Variants in SGCZ observed in about 807,000 individuals in gnomAD.
SGCZ encodes the protein zeta-sarcoglycan.
In SGCZ, 40 loss-of-function variants were observed where a neutral mutation model predicts 41.3. The observed-to-expected ratio is 0.97, with a 90% CI of 0.75 to 1.26. SGCZ has a LOEUF of 1.26. SGCZ is among the 50% of genes most tolerant of loss of function. The pLI is 0.00. For missense variants in SGCZ, 552 were observed against 369.8 expected (o/e 1.49, Z -4.04); for synonymous variants, 206 against 137.5 (o/e 1.50, Z -3.49).
At chr8:14,839,882 T>C (rs1461931109) in intron 1 of SGCZ, among the ~76,000 whole-genome samples, 4 of 152,194 alleles carry the variant, frequency 2.6e-5, no homozygotes, top group Non-Finnish European at 4.4e-5. Flanking sequence ...AAAGGATCAA[T>C]GTCATTTTAA....
chr8:14,278,566 G>T (rs961647700), intron 3 of SGCZ, among the ~76,000 whole-genome samples: 4 of 152,052 alleles, frequency 2.6e-5, no homozygotes. Context: ...TTGAAAAATA[G>T]TATTAAAAGA....
intron 1 of SGCZ, among the ~76,000 whole-genome samples, chr8:15,127,062 G>A (rs1465375503): frequency 6.6e-6 from 1 of 152,152 alleles, no homozygotes; most frequent in Non-Finnish European, 1.5e-5. Flanking sequence ...GATTTAAAAG[G>A]ATGACACTTC....
At chr8:15,009,252 A>G (rs1802733543) in intron 1 of SGCZ, among the ~76,000 whole-genome samples, 1 of 152,264 alleles carries the variant, frequency 6.6e-6, no homozygotes, top group Non-Finnish European at 1.5e-5. Context: ...AGCATGATTT[A>G]CATGGCTTGA....
intron 1 of SGCZ, among the ~76,000 whole-genome samples, chr8:14,885,985 T>TTTTATA (rs1491416864): frequency 5.4e-5 from 3 of 55,976 alleles, no homozygotes; most frequent in African/African-American, 6.9e-5. Flanking sequence ...GGACTTTATG[T>TTTTATA]TATATATATA....
chr8:14,535,226 G>C (rs903151458), intron 2 of SGCZ, among the ~76,000 whole-genome samples: 4 of 151,694 alleles, frequency 2.6e-5, no homozygotes, highest in African/African-American at 9.7e-5. Flanking sequence ...CAAATGTTCT[G>C]TGTTTTGAAA....
intron 1 of SGCZ, among the ~76,000 whole-genome samples, chr8:15,121,900 C>CAAAAAAA (rs55783598): frequency 1.6e-5 from 2 of 126,316 alleles, no homozygotes; most frequent in African/African-American, 3.1e-5. Flanking sequence ...CGGCAGTTAC[C>CAAAAAAA]AAAAAAAAAA....
intron 1 of SGCZ, among the ~76,000 whole-genome samples, chr8:15,210,952 A>C (rs1801215858): frequency 6.6e-6 from 1 of 151,856 alleles, no homozygotes; most frequent in African/African-American, 2.4e-5. Flanking sequence ...TTTGCCTAGA[A>C]ATCTTGGATC....
At chr8:14,357,288 C>T (rs1803334549) in intron 2 of SGCZ, among the ~76,000 whole-genome samples, 1 of 152,150 alleles carries the variant, frequency 6.6e-6, no homozygotes, top group African/African-American at 2.4e-5. Context: ...AGCTTCATTA[C>T]TTAGTAGCAA....
At chr8:15,120,862 T>C (rs968842968) in intron 1 of SGCZ, among the ~76,000 whole-genome samples, 11 of 152,198 alleles carry the variant, frequency 7.2e-5, no homozygotes, top group African/African-American at 2.4e-4. Flanking sequence ...GTATTTCTTT[T>C]TAAAGGTACT....
intron 1 of SGCZ, among the ~76,000 whole-genome samples, chr8:15,156,719 G>C (rs942588028): frequency 2.0e-5 from 3 of 152,104 alleles, no homozygotes; most frequent in Non-Finnish European, 2.9e-5. Flanking sequence ...CAAGGCAGAC[G>C]GATCACCTGA....
At chr8:14,710,157 G>C (rs11990812) in intron 1 of SGCZ, among the ~76,000 whole-genome samples, 2 of 151,894 alleles carry the variant, frequency 1.3e-5, no homozygotes, top group African/African-American at 4.8e-5. Context: ...ACGAGGTCAG[G>C]AGATCGAGAC....
chr8:14,393,446 G>C (rs1804858043), intron 2 of SGCZ, among the ~76,000 whole-genome samples: 2 of 152,076 alleles, frequency 1.3e-5, no homozygotes, highest in Admixed American at 6.6e-5. Flanking sequence ...TGATCAACTG[G>C]AAAGCCAATT....
chr8:14,649,612 C>G (rs1807331919), intron 1 of SGCZ, among the ~76,000 whole-genome samples: 1 of 151,996 alleles, frequency 6.6e-6, no homozygotes, highest in African/African-American at 2.4e-5. Flanking sequence ...AAACATAAAC[C>G]TAACTGTCGA....
Position 14,653,827 on chromosome 8 carries a change from T to C in SGCZ, c.40-98901A>G, listed in dbSNP as rs375926885. ...TTCATATTAAAAAAACCCTCAGTTGTCTCAAAAATGTTAGATTTTCAGAGA... is the reference window on the plus strand; with the variant it reads ...TTCATATTAAAAAAACCCTCAGTTGCCTCAAAAATGTTAGATTTTCAGAGA... On this transcript the variant is annotated intron_variant, in intron 1 of 7. Transcript: ENST00000382080. Among the ~76,000 whole-genome samples the C allele has an allele frequency of 1.1e-4, 16 of 152,248 alleles. No individual in the cohort carries two copies. The East Asian group carries it at 2.3e-3, about 22-fold the overall frequency.
intron 1 of SGCZ, among the ~76,000 whole-genome samples, chr8:15,059,804 C>T (rs1804849684): frequency 6.6e-6 from 1 of 152,144 alleles, no homozygotes; most frequent in Non-Finnish European, 1.5e-5. Context: ...CTCATATAGC[C>T]CAAGAACTCC....
intron 4 of SGCZ, among the ~76,000 whole-genome samples, chr8:14,173,832 A>T (rs1360812148): frequency 6.6e-6 from 1 of 152,138 alleles, no homozygotes; most frequent in Non-Finnish European, 1.5e-5. Flanking sequence ...GACACTAAAC[A>T]CTGCCATAAA....
intron 1 of SGCZ, among the ~76,000 whole-genome samples, chr8:15,082,420 ATATG>A (rs899514508): frequency 4.1e-4 from 55 of 133,888 alleles, no homozygotes; most frequent in Middle Eastern, 3.9e-3. Flanking sequence ...ACACACATAT[ATATG>A]TGTGTGTGTA....
intron 1 of SGCZ, among the ~76,000 whole-genome samples, chr8:15,046,910 T>C (rs902343404): frequency 6.6e-6 from 1 of 152,012 alleles, no homozygotes; most frequent in South Asian, 2.1e-4. Flanking sequence ...ACTAATTTGC[T>C]CCATCTTAGA....
At chr8:15,005,512 GT>G (rs1412143079) in intron 1 of SGCZ, among the ~76,000 whole-genome samples, 1 of 151,916 alleles carries the variant, frequency 6.6e-6, no homozygotes, top group African/African-American at 2.4e-5. Context: ...TGTATTTTCA[GT>G]AGAGATGGTG....
Sources: gnomAD v4.1 joint callset for allele counts (sites outside exome capture counted in the v4.1 genomes callset) on GRCh38, gnomAD v4.1.1 for gene constraint, MANE v1.5 for transcripts, NCBI Gene and HGNC (gene_info 2026-07-23, HGNC 2026-07-21) for gene names.